PSD3: variants seen among roughly 807,000 people sequenced by gnomAD.
PSD3 encodes the protein PH and SEC7 domain-containing protein 3.
In PSD3, 49 loss-of-function variants were observed where a neutral mutation model predicts 105.5. That is an observed-to-expected ratio of 0.46 (90% CI 0.37 to 0.59). The LOEUF (loss-of-function observed/expected upper bound fraction) is 0.59, where lower values mean the gene tolerates loss of function less well. PSD3 is among the 20% of genes least tolerant of loss of function. The pLI is 0.00. For missense variants in PSD3, 1,561 were observed against 1,263.8 expected (o/e 1.24, Z -3.57); for synonymous variants, 557 against 457.8 (o/e 1.22, Z -2.77).
chr8:18,850,447 G>C (rs1296448101), intron 4 of PSD3, among the ~76,000 whole-genome samples: 1 of 152,184 alleles, frequency 6.6e-6, no homozygotes, highest in Non-Finnish European at 1.5e-5. Context: ...AAGATCAGCA[G>C]ATTATAGGCA....
intron 4 of PSD3, among the ~76,000 whole-genome samples, chr8:18,835,077 A>C (rs1813995383): frequency 6.6e-6 from 1 of 152,226 alleles, no homozygotes; most frequent in Non-Finnish European, 1.5e-5. Context: ...AAGGACAGTC[A>C]AGTATGCGAA....
chr8:18,538,617 G>C (rs1461476022), intron 15 of PSD3, among the ~76,000 whole-genome samples: 3 of 152,158 alleles, frequency 2.0e-5, no homozygotes, highest in Admixed American at 6.5e-5. Context: ...CTGGAGCGTT[G>C]ACACAATGAA....
intron 9 of PSD3, chr8:18,733,312 A>T (rs1294800983): frequency 6.6e-6 from 1 of 152,238 alleles, no homozygotes; most frequent in Admixed American, 6.5e-5. Context: ...TGTTTCTAGC[A>T]TATCTTTCTA....
intron 8 of PSD3, among the ~76,000 whole-genome samples, chr8:18,795,597 G>C (rs990684309): frequency 6.6e-6 from 1 of 152,172 alleles, no homozygotes; most frequent in Non-Finnish European, 1.5e-5. Flanking sequence ...AGCTGACTAT[G>C]CTCTGATCTA....
chr8:19,037,958 GTA>G (rs1337509896), intron 1 of PSD3, among the ~76,000 whole-genome samples: 3 of 148,682 alleles, frequency 2.0e-5, no homozygotes, highest in South Asian at 2.1e-4. Flanking sequence ...CACATTAAAA[GTA>G]TATATATATA....
intron 2 of PSD3, among the ~76,000 whole-genome samples, chr8:18,881,900 T>C (rs560865657): frequency 9.9e-5 from 15 of 152,214 alleles, no homozygotes; most frequent in East Asian, 5.8e-4. Flanking sequence ...CCAGAACCAA[T>C]AGGATACCAA....
intron 1 of PSD3, among the ~76,000 whole-genome samples, chr8:19,026,228 C>G (rs1245939654): frequency 2.0e-5 from 3 of 152,142 alleles, no homozygotes; most frequent in Non-Finnish European, 4.4e-5. Context: ...GGCGACACAG[C>G]CAAACCATAT....
At chr8:18,714,145 G>A (rs1032727609) in intron 9 of PSD3, among the ~76,000 whole-genome samples, 1 of 152,040 alleles carries the variant, frequency 6.6e-6, no homozygotes, top group African/African-American at 2.4e-5. Context: ...ATGGATTAAA[G>A]ACTTAAATGT....
intron 1 of PSD3, among the ~76,000 whole-genome samples, chr8:19,056,718 T>C (rs1385672625): frequency 2.0e-5 from 3 of 152,216 alleles, no homozygotes; most frequent in Non-Finnish European, 2.9e-5. Flanking sequence ...CCTGATTACA[T>C]GTCTGGTGCA....
chr8:18,578,525 T>C (rs2717764), intron 12 of PSD3, among the ~76,000 whole-genome samples: 84,051 of 151,910 alleles, frequency 0.55, 23,371 homozygotes, highest in South Asian at 0.62. Context: ...ACCGTTGGGA[T>C]GGTTTGAACT....
In PSD3 at chr8:18,804,727, A is replaced by T. The variant is rs376866256; in HGVS notation, c.1806T>A (p.Asp602Glu). The change falls in exon 5 of 16, where the codon GAT (aspartate) becomes GAA (glutamate). Residue 602 changes from aspartate (D) to glutamate (E), a missense_variant. By Grantham distance (45) the Asp-to-Glu change is conservative. Coordinates refer to ENST00000327040, the MANE Select transcript of PSD3 (RefSeq NM_015310.4). ...ACTTCTTGCCAAGGTGTTTTGCAACATCTGATCTTTTGAATCTGTCCAGCT... is the reference window on the plus strand; with the variant it reads ...ACTTCTTGCCAAGGTGTTTTGCAACTTCTGATCTTTTGAATCTGTCCAGCT... ...LYQLDRFKRS[D>E]VAKHLGKNNE... 1.1e-5 allele frequency: 17 copies of T among 1,613,902 alleles called. No individual in the cohort carries two copies. The South Asian group carries it at 1.2e-4, about 11-fold the overall frequency.
Position 18,810,710 on chromosome 8 carries a change from A to C in PSD3, c.1635-5812T>G, listed in dbSNP as rs187576385. ...CCTAGTCGAGTTGAATTTTATACAT[A>C]ACTTAGGCAAAGGCAAATTAGAAGA... On this transcript the variant is annotated intron_variant, in intron 4 of 15. Transcript: ENST00000327040. Among the ~76,000 whole-genome samples, 2 of 152,296 alleles carry C rather than the reference A, an allele frequency of 1.3e-5. 1 individual carries two copies. Among genetic ancestry groups the C allele is most frequent in the Non-Finnish European group, 2.9e-5 (2 of 68,016 alleles).
intron 1 of PSD3, among the ~76,000 whole-genome samples, chr8:18,949,154 A>G (rs11204004): frequency 0.88 from 119,555 of 136,186 alleles, 52,594 homozygotes; most frequent in South Asian, 0.94. Context: ...CCCAGGAGAC[A>G]GAGCTTGCAG....
intron 8 of PSD3, among the ~76,000 whole-genome samples, chr8:18,769,445 T>C (rs1807305545): frequency 6.6e-6 from 1 of 152,350 alleles, no homozygotes; most frequent in East Asian, 1.9e-4. Context: ...TGTTACATGA[T>C]GATAGCATCA....
At chr8:18,695,909 C>A (rs899899186) in intron 9 of PSD3, among the ~76,000 whole-genome samples, 1 of 152,126 alleles carries the variant, frequency 6.6e-6, no homozygotes, top group African/African-American at 2.4e-5. Flanking sequence ...CAGAACAGTA[C>A]CCTCTCTCAT....
intron 1 of PSD3, among the ~76,000 whole-genome samples, chr8:18,974,259 A>G (rs1824806617): frequency 6.6e-6 from 1 of 152,264 alleles, no homozygotes; most frequent in Admixed American, 6.5e-5. Context: ...AAACTCAGAC[A>G]GTGACTAAAA....
intron 1 of PSD3, among the ~76,000 whole-genome samples, chr8:18,967,143 T>G (rs1824312068): frequency 6.8e-6 from 1 of 146,134 alleles, no homozygotes; most frequent in African/African-American, 2.5e-5. Flanking sequence ...ACTTAGGATT[T>G]TCTTTTTTCT....
chr8:18,647,819 G>C (rs79059643), intron 10 of PSD3, among the ~76,000 whole-genome samples: 7,684 of 152,196 alleles, frequency 0.05, 275 homozygotes, highest in Middle Eastern at 0.12. Flanking sequence ...TCATGATAGT[G>C]AGTGAGTGAG....
At chr8:18,950,983 C>G (rs763220377) in intron 1 of PSD3, among the ~76,000 whole-genome samples, 1 of 152,174 alleles carries the variant, frequency 6.6e-6, no homozygotes, top group African/African-American at 2.4e-5. Flanking sequence ...TAGATTGAAT[C>G]AGATTCTTAG....
Sources: gnomAD v4.1 joint callset for allele counts (sites outside exome capture counted in the v4.1 genomes callset) on GRCh38, gnomAD v4.1.1 for gene constraint, MANE v1.5 for transcripts, NCBI Gene and HGNC (gene_info 2026-07-23, HGNC 2026-07-21) for gene names.